IL1RAPL1: variants seen among roughly 807,000 people sequenced by gnomAD.
IL1RAPL1 encodes interleukin-1 receptor accessory protein-like 1.
A neutral mutation model predicts 48.4 loss-of-function variants in IL1RAPL1; 3 were observed. The ratio of observed to expected loss-of-function variants is 0.06; its 90% CI spans 0.03 to 0.16. The LOEUF is 0.16. Ranked by LOEUF, IL1RAPL1 falls within the 10% of genes least tolerant of loss-of-function variation. The pLI, the probability that IL1RAPL1 is intolerant of heterozygous loss-of-function variation, is 1.00. For synonymous variants in IL1RAPL1, 185 were observed against 187.7 expected (o/e 0.99, Z 0.12); for missense variants, 349 against 530.6 (o/e 0.66, Z 3.36).
intron 3 of IL1RAPL1, among the ~76,000 whole-genome samples, chrX:29,329,725 A>G (rs190879052): frequency 9.2e-6 from 1 of 109,024 alleles, no homozygotes; most frequent in East Asian, 2.9e-4. Flanking sequence ...AGGCAGGAGA[A>G]TCGCTTGAAC....
intron 5 of IL1RAPL1, among the ~76,000 whole-genome samples, chrX:29,662,988 C>A (rs1182730840): frequency 1.8e-5 from 2 of 112,219 alleles, no homozygotes; most frequent in Non-Finnish European, 3.8e-5. Flanking sequence ...CAAGTGGATT[C>A]ACCTAGTAAA....
chrX:29,293,914 G>A (rs1223487784), intron 3 of IL1RAPL1, among the ~76,000 whole-genome samples: 4 of 111,283 alleles, frequency 3.6e-5, no homozygotes, highest in African/African-American at 1.3e-4. Context: ...AGTAGTAGCT[G>A]CTGATCAGCA....
chrX:29,834,483 A>G (rs899265193), intron 6 of IL1RAPL1, among the ~76,000 whole-genome samples: 1 of 107,178 alleles, frequency 9.3e-6, no homozygotes, highest in Non-Finnish European at 1.9e-5. Flanking sequence ...AGGCTGTGAA[A>G]GAAAAAGGAT....
intron 5 of IL1RAPL1, among the ~76,000 whole-genome samples, chrX:29,596,117 G>C (rs1282063694): frequency 1.8e-5 from 2 of 111,964 alleles, no homozygotes; most frequent in African/African-American, 6.5e-5. Context: ...GTACCATGCT[G>C]TTTTGGTGAC....
chrX:29,343,887 A>G (rs1341741908), intron 3 of IL1RAPL1, among the ~76,000 whole-genome samples: 1 of 111,646 alleles, frequency 9.0e-6, no homozygotes, highest in Admixed American at 9.6e-5. Flanking sequence ...ACTTTCTCAC[A>G]CACATACACA....
At chrX:28,698,904 T>G (rs1601863563) in intron 1 of IL1RAPL1, among the ~76,000 whole-genome samples, 1 of 111,884 alleles carries the variant, frequency 8.9e-6, no homozygotes, top group Admixed American at 9.5e-5. Flanking sequence ...CAGAAAGAAG[T>G]TCAAGCACAG....
At chrX:29,250,273 A>G (rs922161103) in intron 2 of IL1RAPL1, among the ~76,000 whole-genome samples, 3 of 112,387 alleles carry the variant, frequency 2.7e-5, no homozygotes, top group African/African-American at 9.7e-5. Flanking sequence ...AATAGAAACA[A>G]CAACAACAAA....
rs1045209915 is a variant in IL1RAPL1, at chrX:28,587,899, G to A, written c.-173G>A. On this transcript the variant is annotated 5_prime_UTR_variant, in exon 1 of 11. Transcript: ENST00000378993. ...ATGGTGAACTTGGCATTTGTGAATGGGAATCTTGTTCACAATATTAATTGC... is the reference window on the plus strand; with the variant it reads ...ATGGTGAACTTGGCATTTGTGAATGAGAATCTTGTTCACAATATTAATTGC... 9.0e-6 allele frequency: 1 copy of A among 110,861 alleles called. No homozygotes were observed. The highest frequency in any genetic ancestry group is 3.3e-5 in the African/African-American group (1 of 30,409). 9.1% of individuals were successfully genotyped at this position (110,861 alleles called of 1,213,427 possible).
At chrX:29,646,644 A>G in intron 5 of IL1RAPL1, among the ~76,000 whole-genome samples, 1 of 111,199 alleles carries the variant, frequency 9.0e-6, no homozygotes. Flanking sequence ...GATTTAAATA[A>G]AAGCCAAGTC....
intron 5 of IL1RAPL1, among the ~76,000 whole-genome samples, chrX:29,575,170 C>T (rs1922734847): frequency 1.8e-5 from 2 of 111,875 alleles, no homozygotes; most frequent in South Asian, 7.5e-4. Context: ...ATAGCAATGT[C>T]CCATTTCCCA....
At chrX:29,318,052 T>C (rs1932776314) in intron 3 of IL1RAPL1, among the ~76,000 whole-genome samples, 1 of 112,100 alleles carries the variant, frequency 8.9e-6, no homozygotes, top group Non-Finnish European at 1.9e-5. Flanking sequence ...ATAGAACTGA[T>C]ACTCAAAACT....
chrX:29,725,785 G>A (rs922697741), intron 6 of IL1RAPL1, among the ~76,000 whole-genome samples: 3 of 112,113 alleles, frequency 2.7e-5, no homozygotes, highest in African/African-American at 9.7e-5. Flanking sequence ...AAATTTATAT[G>A]GTAACTTTTG....
At chrX:29,368,373 CTGTTTTTGTT>C (rs954134063) in intron 3 of IL1RAPL1, among the ~76,000 whole-genome samples, 9 of 111,413 alleles carry the variant, frequency 8.1e-5, no homozygotes, top group Middle Eastern at 4.8e-3. Context: ...GTATGTGTTT[CTGTTTTTGTT>C]TGTTTTTGTT....
intron 5 of IL1RAPL1, among the ~76,000 whole-genome samples, chrX:29,406,761 T>C (rs538052695): frequency 1.2e-4 from 13 of 110,397 alleles, no homozygotes; most frequent in African/African-American, 4.1e-4. Flanking sequence ...CTTTTAGGTA[T>C]GAATACAGTG....
chrX:29,312,642 A>G (rs1352728335), intron 3 of IL1RAPL1, among the ~76,000 whole-genome samples: 3 of 111,119 alleles, frequency 2.7e-5, no homozygotes, highest in Admixed American at 9.6e-5. Context: ...CCTTTTTGCC[A>G]CCCCAACCAC....
intron 6 of IL1RAPL1, among the ~76,000 whole-genome samples, chrX:29,841,811 A>G (rs138613120): frequency 0.043 from 4,754 of 111,182 alleles, 241 homozygotes; most frequent in African/African-American, 0.15. Flanking sequence ...TTCCAAGGTT[A>G]CCCCCAGGTT....
intron 6 of IL1RAPL1, among the ~76,000 whole-genome samples, chrX:29,798,765 C>T (rs767989357): frequency 1.8e-5 from 2 of 112,307 alleles, no homozygotes; most frequent in South Asian, 3.7e-4. Context: ...GATGCTGGAT[C>T]GCATCTTCCT....
intron 3 of IL1RAPL1, among the ~76,000 whole-genome samples, chrX:29,308,094 G>A (rs1262335526): frequency 1.8e-5 from 2 of 111,909 alleles, no homozygotes; most frequent in African/African-American, 6.5e-5. Flanking sequence ...AGCATAGAAA[G>A]GGATTTTTTT....
intron 3 of IL1RAPL1, among the ~76,000 whole-genome samples, chrX:29,311,477 G>GTAGATTGATCTACTGGTTGA (rs1156873831): frequency 8.9e-6 from 1 of 112,001 alleles, no homozygotes; most frequent in Non-Finnish European, 1.9e-5. Flanking sequence ...GATCAATGCA[G>GTAGATTGATCTACTGGTTGA]TTAACACAAC....
Sources: allele counts gnomAD v4.1 joint callset (sites outside exome capture counted in the v4.1 genomes callset), GRCh38; gene constraint gnomAD v4.1.1; transcripts MANE v1.5; gene names NCBI Gene and HGNC (gene_info 2026-07-23, HGNC 2026-07-21).